Variants in KCNJ12 observed in about 807,000 individuals in gnomAD.
The protein encoded by KCNJ12 is ATP-sensitive inward rectifier potassium channel 12.
In KCNJ12, 2 loss-of-function variants were observed where a neutral mutation model predicts 22.3. The ratio of observed to expected loss-of-function variants is 0.09; its 90% CI spans 0.04 to 0.28. KCNJ12 has a LOEUF of 0.28. Ranked by LOEUF, KCNJ12 falls within the 10% of genes least tolerant of loss-of-function variation. The pLI, the probability that KCNJ12 is intolerant of heterozygous loss-of-function variation, is 1.00. For missense variants in KCNJ12, 155 were observed against 633.3 expected (o/e 0.24, Z 8.11); for synonymous variants, 117 against 261.4 (o/e 0.45, Z 5.33).
chr17:21,409,044 G>A (rs2142071383), intron 2 of KCNJ12, among the ~76,000 whole-genome samples: 1 of 152,430 alleles, frequency 6.6e-6, no homozygotes, highest in Middle Eastern at 3.4e-3. Context: ...CAGCTGCTTA[G>A]TCCTTCACCC....
At chr17:21,414,347 C>T (rs1413043520) in intron 2 of KCNJ12, among the ~76,000 whole-genome samples, 1 of 152,266 alleles carries the variant, frequency 6.6e-6, no homozygotes, top group African/African-American at 2.4e-5. Flanking sequence ...TGGTGGCGGG[C>T]ACCTATAATC....
At chr17:21,401,687 T>A (rs1673012246) in intron 1 of KCNJ12, among the ~76,000 whole-genome samples, 1 of 152,188 alleles carries the variant, frequency 6.6e-6, no homozygotes, top group African/African-American at 2.4e-5. Flanking sequence ...CTGCCTGCCG[T>A]CTTGTGATTC....
rs1196991868 is a variant in KCNJ12, at chr17:21,416,768, G to T, written c.*124G>T. On this transcript the variant is annotated 3_prime_UTR_variant, in exon 3 of 3. Coordinates refer to ENST00000583088, the MANE Select transcript of KCNJ12 (RefSeq NM_021012.5). ...GGGTTGCAGACTCAGTAGCGTTTTA[G>T]TCGTTTTATGTTTCTTTGCAACGGC... 5.4e-5 allele frequency: 77 copies of T among 1,415,420 alleles called. No individual in the cohort carries two copies. The highest frequency in any genetic ancestry group is 5.5e-5 in the Non-Finnish European group (59 of 1,068,532). The allele number at this position is 1,415,420 out of a possible 1,614,324, so 87.7% of individuals were successfully genotyped here.
intron 2 of KCNJ12, 108 bp from the exon 3 acceptor site, chr17:21,415,179 G>C: frequency 8.3e-7 from 1 of 1,208,238 alleles, no homozygotes; most frequent in Non-Finnish European, 1.2e-6. Flanking sequence ...ACGATCGTGG[G>C]TCAATCAGGG....
At chr17:21,386,607 AAG>A (rs1368058161) in intron 1 of KCNJ12, among the ~76,000 whole-genome samples, 20 of 152,170 alleles carry the variant, frequency 1.3e-4, no homozygotes, top group African/African-American at 4.6e-4. Context: ...TGCCAGGTTC[AAG>A]AGATTCTCCT....
intron 1 of KCNJ12, among the ~76,000 whole-genome samples, chr17:21,381,670 G>C (rs1904874884): frequency 1.3e-5 from 2 of 152,132 alleles, no homozygotes. Flanking sequence ...TGATTCCCCT[G>C]TGGGACACTG....
intron 1 of KCNJ12, among the ~76,000 whole-genome samples, chr17:21,378,395 A>G (rs1292307796): frequency 6.6e-6 from 1 of 152,058 alleles, no homozygotes; most frequent in Non-Finnish European, 1.5e-5. Context: ...CCAACAAAAG[A>G]CTTCACAGCG....
intron 1 of KCNJ12, among the ~76,000 whole-genome samples, chr17:21,386,164 G>A (rs944350658): frequency 6.6e-6 from 1 of 152,232 alleles, no homozygotes; most frequent in Non-Finnish European, 1.5e-5. Flanking sequence ...GTCTGAAACC[G>A]GTGTCTGCAG....
At chr17:21,383,582 G>C (rs2144765238) in intron 1 of KCNJ12, among the ~76,000 whole-genome samples, 1 of 152,324 alleles carries the variant, frequency 6.6e-6, no homozygotes, top group Admixed American at 6.5e-5. Flanking sequence ...AATAGGGCCT[G>C]GGAGGGGCAA....
chr17:21,381,474 C>T (rs1252818277), intron 1 of KCNJ12, among the ~76,000 whole-genome samples: 3 of 152,000 alleles, frequency 2.0e-5, no homozygotes, highest in African/African-American at 4.8e-5. Context: ...GACTCTTGCT[C>T]CCTCCCCGGG....
intron 1 of KCNJ12, among the ~76,000 whole-genome samples, chr17:21,383,164 T>C (rs1276572288): frequency 6.6e-6 from 1 of 152,076 alleles, no homozygotes; most frequent in Non-Finnish European, 1.5e-5. Flanking sequence ...GGGGATGGAG[T>C]GGCCTGGTGG....
chr17:21,385,683 G>A lies in KCNJ12; in HGVS notation c.-179+8770G>A, dbSNP rs71371058. On this transcript the variant is annotated intron_variant, in intron 1 of 2. Transcript: ENST00000583088. The stretch of plus-strand genomic sequence containing the variant: ...CCTCTGCAGGGTGGAGGCTGGCCTG[G>A]GCCCTGCCAGCACAGCCTCCAGGCC... Among the ~76,000 whole-genome samples, 582 of 152,284 alleles carry A rather than the reference G, an allele frequency of 3.8e-3. 1 individual carries two copies. Among genetic ancestry groups the A allele is most frequent in the Admixed American group, 7.1e-3 (109 of 15,300 alleles).
chr17:21,382,588 A>G (rs1044720297), intron 1 of KCNJ12, among the ~76,000 whole-genome samples: 13 of 152,156 alleles, frequency 8.5e-5, no homozygotes, highest in African/African-American at 3.1e-4. Flanking sequence ...GCCAGCAGTG[A>G]TCACCTCTGC....
At chr17:21,383,510 G>A (rs927224854) in intron 1 of KCNJ12, among the ~76,000 whole-genome samples, 11 of 152,188 alleles carry the variant, frequency 7.2e-5, no homozygotes, top group Non-Finnish European at 1.0e-4. Context: ...AGGGGTGCTG[G>A]GATCTGGGGC....
chr17:21,377,961 G>T (rs1904724571), intron 1 of KCNJ12, among the ~76,000 whole-genome samples: 1 of 152,168 alleles, frequency 6.6e-6, no homozygotes, highest in Non-Finnish European at 1.5e-5. Context: ...ACCCAGGTTC[G>T]AGCCCTGCAA....
chr17:21,415,220 C>T, intron 2 of KCNJ12, 67 bp from the exon 3 acceptor site: 3 of 1,473,302 alleles, frequency 2.0e-6, no homozygotes, highest in Non-Finnish European at 2.7e-6. Context: ...GTCTGGGGGC[C>T]CTGGGATGGG....
chr17:21,382,614 C>A (rs4986049), intron 1 of KCNJ12, among the ~76,000 whole-genome samples: 37,758 of 152,120 alleles, frequency 0.25, 4,818 homozygotes, highest in Middle Eastern at 0.36. Context: ...TAGAGACTGG[C>A]ATGCTTTCTG....
intron 2 of KCNJ12, among the ~76,000 whole-genome samples, chr17:21,411,621 A>T: frequency 6.6e-6 from 1 of 152,308 alleles, no homozygotes; most frequent in African/African-American, 2.4e-5. Context: ...GTGACCTGGG[A>T]CAAGTCTCTT....
At chr17:21,396,240 T>G (rs1188194672) in intron 1 of KCNJ12, among the ~76,000 whole-genome samples, 1 of 152,144 alleles carries the variant, frequency 6.6e-6, no homozygotes, top group Non-Finnish European at 1.5e-5. Flanking sequence ...TTGCTTTTCC[T>G]ACAACCTTGA....
Sources: gnomAD v4.1 joint callset for allele counts (sites outside exome capture counted in the v4.1 genomes callset) on GRCh38, gnomAD v4.1.1 for gene constraint, MANE v1.5 for transcripts, NCBI Gene and HGNC (gene_info 2026-07-23, HGNC 2026-07-21) for gene names.